The following RBFOX3 variants were observed in gnomAD, a reference collection of about 807,000 sequenced individuals.
The protein encoded by RBFOX3 is RNA binding protein fox-1 homolog 3.
In RBFOX3, 17 loss-of-function variants were observed where a neutral mutation model predicts 48.7. The observed-to-expected ratio is 0.35, with a 90% CI of 0.24 to 0.52. The LOEUF is 0.52. Ranked by LOEUF, RBFOX3 falls within the 20% of genes least tolerant of loss-of-function variation. RBFOX3 has a pLI of 0.94. For synonymous variants in RBFOX3, 212 were observed against 209.5 expected, an observed-to-expected ratio of 1.01 and a Z score of -0.10; for missense variants, 382 against 497.5, an observed-to-expected ratio of 0.77 and a Z score of 2.21.
At position 79,320,599 on chromosome 17, in the gene RBFOX3, C is replaced by G. The variant is rs573038590; in HGVS notation, c.-174-12775G>C. 2.0e-5 allele frequency among the ~76,000 whole-genome samples: 3 copies of G among 152,332 alleles called. No homozygotes were observed. In the South Asian group the frequency reaches 6.2e-4, roughly 32 times the overall value. On this transcript the variant is annotated intron_variant, in intron 2 of 14. Transcript: ENST00000693108. ...GCTCTACTGCCAGAATGAGTTCTTC[C>G]TCCCATCCCTCCAAAATCCTTTGCA...
intron 2 of RBFOX3, among the ~76,000 whole-genome samples, chr17:79,337,080 T>C (rs1055040808): frequency 7.2e-5 from 11 of 152,086 alleles, no homozygotes; most frequent in African/African-American, 2.4e-4. Context: ...ATTTTACCAC[T>C]GCACTCCAGC....
the RBFOX3 span, among the ~76,000 whole-genome samples, chr17:79,649,290 C>G: frequency 1.1e-4 from 16 of 152,326 alleles, no homozygotes; most frequent in Middle Eastern, 3.4e-3. Flanking sequence ...GAGAAATAAA[C>G]ATCTACTGGG....
chr17:79,401,726 C>A (rs1012259136), intron 2 of RBFOX3, among the ~76,000 whole-genome samples: 36 of 152,328 alleles, frequency 2.4e-4, no homozygotes, highest in African/African-American at 8.2e-4. Context: ...GGGGCGTCCT[C>A]TCTATGAGCC....
intron 1 of RBFOX3, among the ~76,000 whole-genome samples, chr17:79,507,445 C>T (rs2083333836): frequency 6.6e-6 from 1 of 152,168 alleles, no homozygotes; most frequent in Non-Finnish European, 1.5e-5. Flanking sequence ...CAGTCCCCGC[C>T]CCACATGTCA....
intron 1 of RBFOX3, among the ~76,000 whole-genome samples, chr17:79,566,918 A>G (rs2144400312): frequency 6.6e-6 from 1 of 152,328 alleles, no homozygotes; most frequent in East Asian, 1.9e-4. Context: ...TCTTAAGCAA[A>G]TTACCTGGTT....
In RBFOX3 at chr17:79,480,017, A is replaced by G. The variant is rs986854656; in HGVS notation, c.-175+2437T>C. ...ATTTTCTCAGACAGCCTGCAAGCAC[A>G]GTGATCTTGGCACAGAGCGACCTGA... On this transcript the variant is annotated intron_variant, in intron 2 of 14. Coordinates refer to ENST00000693108, the MANE Select transcript of RBFOX3 (RefSeq NM_001350451.2). This position sits in a 1 kb window ranked among gnomAD's most constrained non-coding sequence, Gnocchi z 4.8. Among the ~76,000 whole-genome samples the G allele has an allele frequency of 6.6e-6, 1 of 152,214 alleles. No individual in the cohort carries two copies. Among genetic ancestry groups the G allele is most frequent in the Admixed American group, 6.5e-5 (1 of 15,286 alleles).
Position 79,337,497 on chromosome 17 carries a change from C to T in RBFOX3, c.-174-29673G>A, listed in dbSNP as rs185863864. 4.9e-4 allele frequency among the ~76,000 whole-genome samples: 74 copies of T among 152,278 alleles called. 1 individual carries two copies. Among genetic ancestry groups the T allele is most frequent in the African/African-American group, 1.5e-3 (63 of 41,566 alleles). On this transcript the variant is annotated intron_variant, in intron 2 of 14. Coordinates refer to ENST00000693108, the MANE Select transcript of RBFOX3 (RefSeq NM_001350451.2). Reference sequence around the variant, plus strand: ...TCGGATCAAGAAAATGCAGTTGCGCCGGGCACGGTGGCTCACGCCTGTAAT... The same window carrying T: ...TCGGATCAAGAAAATGCAGTTGCGCTGGGCACGGTGGCTCACGCCTGTAAT...
chr17:79,483,867 C>T (rs1377971179), intron 1 of RBFOX3, among the ~76,000 whole-genome samples: 4 of 152,276 alleles, frequency 2.6e-5, no homozygotes, highest in East Asian at 1.9e-4. Context: ...ACGATCACAC[C>T]GGAGAGCAGG....
chr17:79,605,973 C>T (rs2093820203), intron 1 of RBFOX3, among the ~76,000 whole-genome samples: 1 of 152,240 alleles, frequency 6.6e-6, no homozygotes, highest in Non-Finnish European at 1.5e-5. Flanking sequence ...GGGGAACACT[C>T]CCCACAGAGG....
Position 79,535,477 on chromosome 17 carries a change from C to T in RBFOX3, c.-319-52879G>A, listed in dbSNP as rs1371167979. Among the ~76,000 whole-genome samples, 1 of 152,148 alleles carries T rather than the reference C, an allele frequency of 6.6e-6. No homozygotes were observed. Among genetic ancestry groups the T allele is most frequent in the Non-Finnish European group, 1.5e-5 (1 of 68,014 alleles). ...ACAGCGGCCTCCAATCTCCCGATTC[C>T]TTTACTCTCCCCTGTTACCCAAGTG... On this transcript the variant is annotated intron_variant, in intron 1 of 14. Coordinates refer to ENST00000693108, the MANE Select transcript of RBFOX3 (RefSeq NM_001350451.2). This position sits in a 1 kb window ranked among gnomAD's most constrained non-coding sequence, Gnocchi z 4.5.
At chr17:79,319,067 A>T (rs535480856) in intron 2 of RBFOX3, among the ~76,000 whole-genome samples, 9 of 151,862 alleles carry the variant, frequency 5.9e-5, no homozygotes, top group Non-Finnish European at 1.3e-4. Context: ...GAGGGAAGAC[A>T]TGAGGGTGGG....
At chr17:79,137,029 G>C (rs1340566950) in intron 4 of RBFOX3, among the ~76,000 whole-genome samples, 3 of 152,104 alleles carry the variant, frequency 2.0e-5, no homozygotes, top group Admixed American at 1.3e-4. Context: ...GCATCCCCCA[G>C]GACTCCCAGA....
At chr17:79,431,036 C>T (rs183386557) in intron 2 of RBFOX3, among the ~76,000 whole-genome samples, 2 of 152,274 alleles carry the variant, frequency 1.3e-5, no homozygotes, top group Admixed American at 6.5e-5. Context: ...AGAACAACTT[C>T]AAGTTTCCCG....
intron 2 of RBFOX3, among the ~76,000 whole-genome samples, chr17:79,422,352 C>T (rs989703156): frequency 1.3e-5 from 2 of 151,382 alleles, no homozygotes; most frequent in African/African-American, 4.9e-5. Flanking sequence ...ACATTCAACC[C>T]CTCCCTCCGT....
rs1363253357 is a variant in RBFOX3, at chr17:79,242,964, G to A, written c.-73-7159C>T. Among the ~76,000 whole-genome samples, 1 of 152,188 alleles carries A rather than the reference G, an allele frequency of 6.6e-6. No homozygotes were observed. The highest frequency in any genetic ancestry group is 1.5e-5 in the Non-Finnish European group (1 of 68,030). ...CTCCTCTGCCTGCGTGGACACTGCT[G>A]TGGGCCCCGTGACAGCAGCATGCAT... On this transcript the variant is annotated intron_variant, in intron 3 of 14. Coordinates refer to ENST00000693108, the MANE Select transcript of RBFOX3 (RefSeq NM_001350451.2). The surrounding 1 kb of genome is among the most constrained non-coding windows in gnomAD (Gnocchi z 5.8).
At chr17:79,366,390 T>C (rs1037812906) in intron 2 of RBFOX3, among the ~76,000 whole-genome samples, 6 of 152,194 alleles carry the variant, frequency 3.9e-5, no homozygotes, top group Admixed American at 3.3e-4. Context: ...TTCTTTAAAG[T>C]GTTTATTTAA....
intron 1 of RBFOX3, among the ~76,000 whole-genome samples, chr17:79,564,512 G>A: frequency 6.6e-6 from 1 of 152,138 alleles, no homozygotes; most frequent in East Asian, 1.9e-4. Flanking sequence ...GAACGGTGCT[G>A]GAGCCTCAAG....
At chr17:79,582,067 T>C (rs2093081645) in intron 1 of RBFOX3, among the ~76,000 whole-genome samples, 1 of 150,540 alleles carries the variant, frequency 6.6e-6, no homozygotes, top group Admixed American at 6.6e-5. Flanking sequence ...CCCATGTATG[T>C]GCCTGTGCGT....
intron 4 of RBFOX3, among the ~76,000 whole-genome samples, chr17:79,217,250 T>C (rs2059176630): frequency 3.3e-5 from 5 of 152,182 alleles, no homozygotes; most frequent in Admixed American, 3.3e-4. Flanking sequence ...AGCTTTAAAA[T>C]GGGAGCAACA....
Sources: allele counts gnomAD v4.1 joint callset (sites outside exome capture counted in the v4.1 genomes callset), GRCh38; gene constraint gnomAD v4.1.1; non-coding constraint Gnocchi (gnomAD v3.1); transcripts MANE v1.5; gene names NCBI Gene and HGNC (gene_info 2026-07-23, HGNC 2026-07-21).